The following CEP112 variants were observed in gnomAD, a reference collection of about 807,000 sequenced individuals.
CEP112 encodes centrosomal protein 112, also known as centrosomal protein of 112 kDa.
CEP112 carries 127 observed loss-of-function variants against 153.0 expected under a neutral mutation model. The ratio of observed to expected loss-of-function variants is 0.83; its 90% confidence interval spans 0.72 to 0.96. The LOEUF (loss-of-function observed/expected upper bound fraction) is 0.96, where lower values mean the gene tolerates loss of function less well. Ranked by LOEUF, CEP112 falls within the 40% of genes least tolerant of loss-of-function variation. The pLI is 0.00. For synonymous variants in CEP112, 358 were observed against 374.4 expected, an observed-to-expected ratio of 0.96 and a Z score of 0.51; for missense variants, 1,089 against 1,101.2, an observed-to-expected ratio of 0.99 and a Z score of 0.16.
chr17:65,787,974 G>A (rs543052839), intron 21 of CEP112, among the ~76,000 whole-genome samples: 8 of 152,152 alleles, frequency 5.3e-5, no homozygotes, highest in Non-Finnish European at 1.0e-4. Flanking sequence ...AGTGATTAAC[G>A]GGCACCCTTC....
At chr17:65,703,534 A>G (rs1733321388) in intron 23 of CEP112, among the ~76,000 whole-genome samples, 1 of 149,988 alleles carries the variant, frequency 6.7e-6, no homozygotes, top group Non-Finnish European at 1.5e-5. Flanking sequence ...AAAAAAAAAA[A>G]AAAAAGCTAA....
At chr17:66,183,918 A>T (rs115742087) in intron 1 of CEP112, among the ~76,000 whole-genome samples, 111 of 152,228 alleles carry the variant, frequency 7.3e-4, no homozygotes, top group African/African-American at 2.7e-3. Flanking sequence ...AGTAAGGCTA[A>T]GATTTCTTAT....
intron 24 of CEP112, among the ~76,000 whole-genome samples, chr17:65,652,606 G>A (rs2045841365): frequency 6.6e-6 from 1 of 151,982 alleles, no homozygotes; most frequent in Admixed American, 6.6e-5. Flanking sequence ...CTTATAGCAA[G>A]TTATTTGCAT....
At chr17:65,764,728 C>CTG (rs761969809) in intron 21 of CEP112, among the ~76,000 whole-genome samples, 16 of 151,742 alleles carry the variant, frequency 1.1e-4, no homozygotes, top group Non-Finnish European at 1.9e-4. Context: ...TTAAACTACT[C>CTG]TGTGTCTTTG....
chr17:65,715,341 G>T (rs2049444007), intron 23 of CEP112, among the ~76,000 whole-genome samples: 1 of 152,116 alleles, frequency 6.6e-6, no homozygotes, highest in Admixed American at 6.5e-5. Context: ...GAGTGAGTTT[G>T]CTAAGAGAGA....
chr17:66,172,259 T>A (rs1165404358), intron 4 of CEP112, among the ~76,000 whole-genome samples: 1 of 152,112 alleles, frequency 6.6e-6, no homozygotes, highest in Admixed American at 6.5e-5. Context: ...AAATTTACAA[T>A]CTAGCACACA....
At chr17:65,791,288 A>T (rs2054577793) in intron 21 of CEP112, among the ~76,000 whole-genome samples, 1 of 152,198 alleles carries the variant, frequency 6.6e-6, no homozygotes, top group Non-Finnish European at 1.5e-5. Context: ...GATTAGAATG[A>T]AGAAAGAAAG....
chr17:66,100,256 T>TG (rs1418686012), intron 6 of CEP112, among the ~76,000 whole-genome samples: 1 of 151,640 alleles, frequency 6.6e-6, no homozygotes, highest in African/African-American at 2.4e-5. Flanking sequence ...AAAAATTAGA[T>TG]GGGCGTGGTG....
chr17:66,049,982 T>C (rs900726723), intron 12 of CEP112, among the ~76,000 whole-genome samples: 3 of 149,688 alleles, frequency 2.0e-5, no homozygotes, highest in African/African-American at 7.3e-5. Context: ...TTCAAAGAAA[T>C]AATGATTGTA....
chr17:66,135,967 A>G (rs2070416620), intron 4 of CEP112, among the ~76,000 whole-genome samples: 1 of 152,128 alleles, frequency 6.6e-6, no homozygotes, highest in South Asian at 2.1e-4. Context: ...TCCTTCTCTC[A>G]ATGGACACAT....
chr17:66,010,884 A>G (rs575550031), intron 16 of CEP112, among the ~76,000 whole-genome samples: 1 of 152,192 alleles, frequency 6.6e-6, no homozygotes, highest in Admixed American at 6.5e-5. Context: ...AGATTTTTGT[A>G]TCAATGTTTA....
At chr17:65,681,180 G>T (rs963612805) in intron 24 of CEP112, among the ~76,000 whole-genome samples, 1 of 152,220 alleles carries the variant, frequency 6.6e-6, no homozygotes, top group Admixed American at 6.5e-5. Context: ...ATGCCATGAA[G>T]ATGACAGATC....
At chr17:65,882,932 G>A (rs2059138644) in intron 20 of CEP112, among the ~76,000 whole-genome samples, 1 of 152,046 alleles carries the variant, frequency 6.6e-6, no homozygotes, top group Non-Finnish European at 1.5e-5. Context: ...TCCTCAAGGG[G>A]CCCTTCCTTG....
chr17:65,937,567 G>GGT (rs1568259131), intron 18 of CEP112, among the ~76,000 whole-genome samples: 1 of 48,352 alleles, frequency 2.1e-5, no homozygotes, highest in African/African-American at 7.4e-5. Context: ...GGAGGGAGGT[G>GGT]GGGGGGGTCA....
Position 65,886,689 on chromosome 17 carries a change from A to T in CEP112, c.2163+15463T>A, listed in dbSNP as rs192865210. The stretch of plus-strand genomic sequence containing the variant: ...AATTCACATGTGGTAGTTAAAATGC[A>T]ATTCACTACAGTTTCATTCTTTTCA... On this transcript the variant is annotated intron_variant, in intron 20 of 26. Transcript: ENST00000535342. Among the ~76,000 whole-genome samples, 534 of 152,336 alleles carry T rather than the reference A, an allele frequency of 3.5e-3. 5 individuals carry two copies. Among genetic ancestry groups the T allele is most frequent in the African/African-American group, 0.012 (495 of 41,566 alleles).
At chr17:65,913,699 C>T (rs998189519) in intron 19 of CEP112, 1 of 985,430 alleles carries the variant, frequency 1.0e-6, no homozygotes, top group Non-Finnish European at 1.2e-6. Context: ...TACACTGCTT[C>T]TTTATTCCTT....
chr17:65,831,535 C>T (rs1355904990), intron 21 of CEP112, among the ~76,000 whole-genome samples: 10 of 146,906 alleles, frequency 6.8e-5, no homozygotes, highest in South Asian at 2.1e-4. Flanking sequence ...CCAGCCTGGG[C>T]GACAGAGTGA....
intron 4 of CEP112, among the ~76,000 whole-genome samples, chr17:66,168,617 T>A (rs1408758615): frequency 6.6e-6 from 1 of 152,068 alleles, no homozygotes; most frequent in Non-Finnish European, 1.5e-5. Flanking sequence ...AACAAAGCAA[T>A]TTCTCACCTA....
intron 4 of CEP112, among the ~76,000 whole-genome samples, chr17:66,168,649 C>A (rs2072105909): frequency 6.6e-6 from 1 of 152,186 alleles, no homozygotes; most frequent in African/African-American, 2.4e-5. Context: ...TAGCCCAAAA[C>A]AGATGCAGGC....
Sources: gnomAD v4.1 joint callset for allele counts (sites outside exome capture counted in the v4.1 genomes callset) on GRCh38, gnomAD v4.1.1 for gene constraint, MANE v1.5 for transcripts, NCBI Gene and HGNC (gene_info 2026-07-23, HGNC 2026-07-21) for gene names.